LRP1B: variants seen among roughly 807,000 people sequenced by gnomAD.
The protein encoded by LRP1B is LDL receptor related protein 1B, also known as low-density lipoprotein receptor-related protein 1B.
A neutral mutation model predicts 556.6 loss-of-function variants in LRP1B; 217 were observed. The observed-to-expected ratio is 0.39, with a 90% CI of 0.35 to 0.44. LRP1B has a LOEUF of 0.44. Ranked by LOEUF, LRP1B falls within the 20% of genes least tolerant of loss-of-function variation. The pLI is 1.00. For synonymous variants in LRP1B, 2,047 were observed against 1,865.8 expected, an observed-to-expected ratio of 1.10 and a Z score of -2.50; for missense variants, 5,053 against 5,620.8, an observed-to-expected ratio of 0.90 and a Z score of 3.23.
At chr2:141,292,213 A>G (rs1478102139) in intron 3 of LRP1B, among the ~76,000 whole-genome samples, 1 of 152,172 alleles carries the variant, frequency 6.6e-6, no homozygotes, top group Non-Finnish European at 1.5e-5. Context: ...GAGGTGGAAC[A>G]GCTTCATCCT....
chr2:141,949,185 C>G (rs1350920124), intron 1 of LRP1B, among the ~76,000 whole-genome samples: 2 of 152,064 alleles, frequency 1.3e-5, no homozygotes, highest in African/African-American at 4.8e-5. Flanking sequence ...AATGACATTG[C>G]AGAAAGTCAC....
At chr2:141,885,419 A>T (rs1158854869) in intron 1 of LRP1B, among the ~76,000 whole-genome samples, 2 of 152,228 alleles carry the variant, frequency 1.3e-5, no homozygotes, top group Non-Finnish European at 2.9e-5. Flanking sequence ...AAAGACAGAA[A>T]AAGTGACATA....
intron 69 of LRP1B, among the ~76,000 whole-genome samples, chr2:140,372,384 G>C (rs951901629): frequency 1.3e-5 from 2 of 151,920 alleles, no homozygotes; most frequent in African/African-American, 4.8e-5. Flanking sequence ...CAAGGTAATG[G>C]TTTTATGGTC....
intron 2 of LRP1B, among the ~76,000 whole-genome samples, chr2:141,793,830 T>G (rs1391113024): frequency 5.9e-5 from 9 of 152,012 alleles, no homozygotes; most frequent in African/African-American, 2.2e-4. Context: ...TTCCCTTCTT[T>G]TTTCTCTTCA....
At chr2:141,484,024 A>T (rs1683023412) in intron 2 of LRP1B, among the ~76,000 whole-genome samples, 5 of 152,144 alleles carry the variant, frequency 3.3e-5, no homozygotes. Context: ...TGTTGTAGAC[A>T]TGAAGTCCTT....
At chr2:140,648,624 A>C (rs1684568698) in intron 41 of LRP1B, among the ~76,000 whole-genome samples, 1 of 152,064 alleles carries the variant, frequency 6.6e-6, no homozygotes, top group Admixed American at 6.6e-5. Context: ...GGCCGGGTTC[A>C]GGGGTAATCT....
intron 7 of LRP1B, among the ~76,000 whole-genome samples, chr2:141,114,854 G>T (rs527282327): frequency 6.6e-6 from 1 of 150,540 alleles, no homozygotes; most frequent in African/African-American, 2.4e-5. Context: ...ACACATACAT[G>T]TCATGAAAAC....
chr2:141,349,769 G>C (rs1162269459), intron 3 of LRP1B, among the ~76,000 whole-genome samples: 1 of 152,068 alleles, frequency 6.6e-6, no homozygotes, highest in Non-Finnish European at 1.5e-5. Context: ...GTGGAGGAAG[G>C]AGTTAAGATA....
At chr2:141,166,377 T>G (rs1318840949) in intron 7 of LRP1B, among the ~76,000 whole-genome samples, 5 of 151,360 alleles carry the variant, frequency 3.3e-5, no homozygotes, top group Non-Finnish European at 7.4e-5. Context: ...CTTTTTTTTT[T>G]TTTTTTTACA....
chr2:141,127,333 ACTC>A (rs756121433), intron 7 of LRP1B, among the ~76,000 whole-genome samples: 48 of 152,170 alleles, frequency 3.2e-4, no homozygotes, highest in Middle Eastern at 3.4e-3. Flanking sequence ...CAGTGTAGTG[ACTC>A]CTCAAGGATC....
At chr2:140,311,695 T>C (rs1189820581) in intron 83 of LRP1B, among the ~76,000 whole-genome samples, 1 of 151,868 alleles carries the variant, frequency 6.6e-6, no homozygotes, top group Admixed American at 6.6e-5. Context: ...AAAAGGCAAG[T>C]AGAACCAAAT....
intron 1 of LRP1B, among the ~76,000 whole-genome samples, chr2:141,870,155 T>C (rs1054793558): frequency 6.6e-6 from 1 of 151,996 alleles, no homozygotes; most frequent in Non-Finnish European, 1.5e-5. Flanking sequence ...TTATAATAAT[T>C]TGAAGTTCAG....
chr2:140,720,067 A>G (rs1687348330), intron 35 of LRP1B, among the ~76,000 whole-genome samples: 1 of 152,052 alleles, frequency 6.6e-6, no homozygotes, highest in Non-Finnish European at 1.5e-5. Context: ...AAATGGAGAT[A>G]GTTGCAAAGA....
At chr2:140,316,341 C>T (rs1684518527) in intron 82 of LRP1B, among the ~76,000 whole-genome samples, 1 of 152,084 alleles carries the variant, frequency 6.6e-6, no homozygotes, top group African/African-American at 2.4e-5. Context: ...GAATATATCA[C>T]TGCAATGATT....
chr2:141,282,671 C>G (rs2105391137), intron 3 of LRP1B, among the ~76,000 whole-genome samples: 1 of 151,672 alleles, frequency 6.6e-6, no homozygotes, highest in Admixed American at 6.6e-5. Flanking sequence ...AATGGTAGTA[C>G]TAGAATTACT....
intron 14 of LRP1B, among the ~76,000 whole-genome samples, chr2:141,011,215 AC>A (rs1420703716): frequency 5.4e-5 from 8 of 148,854 alleles, no homozygotes; most frequent in African/African-American, 1.2e-4. Context: ...AAAAAAAAAA[AC>A]AGTCTAACAG....
intron 2 of LRP1B, among the ~76,000 whole-genome samples, chr2:141,591,144 C>T (rs757591880): frequency 2.0e-5 from 3 of 152,126 alleles, no homozygotes; most frequent in South Asian, 2.1e-4. Context: ...CCAAGAAGTA[C>T]GTCTGTAGTA....
chr2:142,097,108 G>C (rs1404956877), intron 1 of LRP1B, among the ~76,000 whole-genome samples: 1 of 151,100 alleles, frequency 6.6e-6, no homozygotes, highest in Non-Finnish European at 1.5e-5. Flanking sequence ...ATTTTGCCTG[G>C]TACACAACTG....
intron 41 of LRP1B, among the ~76,000 whole-genome samples, chr2:140,669,719 G>T (rs1433759854): frequency 6.6e-6 from 1 of 151,428 alleles, no homozygotes; most frequent in African/African-American, 2.4e-5. Context: ...CTTTATTATT[G>T]GTTGTAACAT....
Sources: allele counts gnomAD v4.1 joint callset (sites outside exome capture counted in the v4.1 genomes callset), GRCh38; gene constraint gnomAD v4.1.1; transcripts MANE v1.5; gene names NCBI Gene and HGNC (gene_info 2026-07-23, HGNC 2026-07-21).